The following PCDHGA8 variants were observed in gnomAD, a reference collection of about 807,000 sequenced individuals.
PCDHGA8 encodes the protein protocadherin gamma-A8.
Under a neutral mutation model 59.2 loss-of-function variants are expected in PCDHGA8, and 45 were observed. The ratio of observed to expected loss-of-function variants is 0.76; its 90% CI spans 0.60 to 0.98. PCDHGA8 has a LOEUF of 0.98. Among genes scored for constraint, PCDHGA8 ranks in the 50% least tolerant of loss-of-function variants. The pLI, the probability that PCDHGA8 is intolerant of heterozygous loss-of-function variation, is 0.00. For synonymous variants in PCDHGA8, 531 were observed against 519.0 expected (o/e 1.02, Z -0.32); for missense variants, 1,257 against 1,196.2 (o/e 1.05, Z -0.75).
In PCDHGA8 at chr5:141,491,425, C is replaced by CA; in HGVS notation, c.2425-3381dup. The CA allele has an allele frequency of 6.2e-7, 1 of 1,614,076 alleles. No homozygotes were observed. The highest frequency in any genetic ancestry group is 8.5e-7 in the Non-Finnish European group (1 of 1,179,996). On this transcript the variant is annotated intron_variant, in intron 1 of 3. Coordinates refer to ENST00000398604, the MANE Select transcript of PCDHGA8 (RefSeq NM_032088.2). The surrounding 1 kb of genome is among the most constrained non-coding windows in gnomAD (Gnocchi z 6.9). ...CGCAGACGGGGACGGGGGTGGAGGG[C>CA]AGTGCTGCAGGCGCCAGGACTCACC...
intron 1 of PCDHGA8, chr5:141,404,976 T>G (rs373850794): frequency 4.3e-6 from 7 of 1,614,002 alleles, no homozygotes; most frequent in Non-Finnish European, 5.9e-6. Context: ...CTGGCTGACC[T>G]GGGCAGTCTT....
At chr5:141,397,381 T>G (rs966351267) in intron 1 of PCDHGA8, among the ~76,000 whole-genome samples, 1 of 152,228 alleles carries the variant, frequency 6.6e-6, no homozygotes, top group Non-Finnish European at 1.5e-5. Flanking sequence ...GGGATTGGTA[T>G]AAAATTGCCA....
intron 1 of PCDHGA8, chr5:141,423,481 C>G: frequency 6.2e-7 from 1 of 1,613,908 alleles, no homozygotes; most frequent in South Asian, 1.1e-5. Context: ...GGCTTTCCTG[C>G]AAACCTATTC....
chr5:141,422,883 C>A, intron 1 of PCDHGA8: 1 of 1,614,242 alleles, frequency 6.2e-7, no homozygotes, highest in Non-Finnish European at 8.5e-7. Flanking sequence ...TGAGCCTGTT[C>A]GTGCTGGACC....
Position 141,432,726 on chromosome 5 carries a change from C to T in PCDHGA8, c.2424+37489C>T, listed in dbSNP as rs777248611. The T allele has an allele frequency of 3.1e-6, 5 of 1,614,092 alleles. No homozygotes were observed. Among genetic ancestry groups the T allele is most frequent in the Non-Finnish European group, 3.4e-6 (4 of 1,179,998 alleles). On this transcript the variant is annotated intron_variant, in intron 1 of 3. Coordinates refer to ENST00000398604, the MANE Select transcript of PCDHGA8 (RefSeq NM_032088.2). This position sits in a 1 kb window ranked among gnomAD's most constrained non-coding sequence, Gnocchi z 6.0. ...GACCACGGCCAGCCCCCTCTCTCCG[C>T]CACTGTCACGCTCACCGTGGCCGTG...
At chr5:141,416,010 A>T (rs968655183) in intron 1 of PCDHGA8, 5 of 245,908 alleles carry the variant, frequency 2.0e-5, no homozygotes, top group Non-Finnish European at 3.0e-5. Flanking sequence ...TGGTAAGAAT[A>T]GGTAAGTATC....
Position 141,487,830 on chromosome 5 carries a change from T to C in PCDHGA8, c.2425-6977T>C, listed in dbSNP as rs1410090651. On this transcript the variant is annotated intron_variant, in intron 1 of 3. Transcript: ENST00000398604. This position sits in a 1 kb window ranked among gnomAD's most constrained non-coding sequence, Gnocchi z 5.0. ...TTTAGCATTGGGGGCGGGTCATGCC[T>C]ATATCTGAGTAAGAAATGAAAGTAA... The C allele has an allele frequency of 3.5e-6, 4 of 1,139,942 alleles. No homozygotes were observed. The highest frequency in any genetic ancestry group is 1.6e-5 in the African/African-American group (1 of 63,734). The allele number at this position is 1,139,942 out of a possible 1,614,324, so 70.6% of individuals were successfully genotyped here.
At position 141,476,030 on chromosome 5, in the gene PCDHGA8, G is replaced by A; in HGVS notation, c.2425-18777G>A. On this transcript the variant is annotated intron_variant, in intron 1 of 3. Coordinates refer to ENST00000398604, the MANE Select transcript of PCDHGA8 (RefSeq NM_032088.2). This position sits in a 1 kb window ranked among gnomAD's most constrained non-coding sequence, Gnocchi z 7.6. ...AAAGCCATGTCGGACTCGGCGCCCA[G>A]CGCCCAAGCGCTAACCCGCTGAAAG... 2.7e-6 allele frequency: 4 copies of A among 1,459,176 alleles called. No individual in the cohort carries two copies. The highest frequency in any genetic ancestry group is 3.6e-6 in the Non-Finnish European group (4 of 1,096,658). The allele number at this position is 1,459,176 out of a possible 1,614,324, so 90.4% of individuals were successfully genotyped here. A position where few individuals can be genotyped will look rare whatever the true frequency, so the allele number is the denominator to read the frequency against.
intron 1 of PCDHGA8, chr5:141,413,463 G>A: frequency 6.2e-7 from 1 of 1,614,128 alleles, no homozygotes; most frequent in African/African-American, 1.3e-5. Flanking sequence ...GGATAGACCG[G>A]GAGGAGCTCT....
At position 141,487,736 on chromosome 5, in the gene PCDHGA8, G is replaced by C; in HGVS notation, c.2425-7071G>C. On this transcript the variant is annotated intron_variant, in intron 1 of 3. Transcript: ENST00000398604. The surrounding 1 kb of genome is among the most constrained non-coding windows in gnomAD (Gnocchi z 5.0). Reference sequence around the variant, plus strand: ...TGCCCATAGTGATGTCACCATTTTTGTAAGAGGTAACTATGTGGTAGACGC... The same window carrying C: ...TGCCCATAGTGATGTCACCATTTTTCTAAGAGGTAACTATGTGGTAGACGC... 1 of 1,563,758 alleles carries C rather than the reference G, an allele frequency of 6.4e-7. No homozygotes were observed.
chr5:141,435,929 G>A (rs926025053), intron 1 of PCDHGA8, among the ~76,000 whole-genome samples: 10 of 152,134 alleles, frequency 6.6e-5, no homozygotes, highest in African/African-American at 2.4e-4. Flanking sequence ...TGCGGCAGTT[G>A]CTGCTTCTGA....
At chr5:141,419,558 C>T (rs560723941) in intron 1 of PCDHGA8, 1 of 1,611,970 alleles carries the variant, frequency 6.2e-7, no homozygotes, top group African/African-American at 1.3e-5. Context: ...GTACCCTGCG[C>T]TGGGTCCCGA....
intron 1 of PCDHGA8, among the ~76,000 whole-genome samples, chr5:141,450,233 G>A (rs2098674391): frequency 6.6e-6 from 1 of 152,026 alleles, no homozygotes; most frequent in Non-Finnish European, 1.5e-5. Flanking sequence ...GGCCAGGCTA[G>A]TCTTGAACTC....
intron 1 of PCDHGA8, among the ~76,000 whole-genome samples, chr5:141,444,203 C>A (rs2098425806): frequency 1.3e-5 from 1 of 79,180 alleles, no homozygotes; most frequent in Admixed American, 2.0e-4. Context: ...TGGAGTTTCA[C>A]TCTTGTTGCC....
intron 1 of PCDHGA8, among the ~76,000 whole-genome samples, chr5:141,448,877 G>A (rs1421211206): frequency 6.6e-6 from 1 of 152,112 alleles, no homozygotes; most frequent in African/African-American, 2.4e-5. Flanking sequence ...CCTGGGAGGC[G>A]GAGCTTGCAG....
chr5:141,430,970 A>G (rs1026736997), intron 1 of PCDHGA8: 3 of 1,613,068 alleles, frequency 1.9e-6, no homozygotes, highest in Non-Finnish European at 2.5e-6. Context: ...CCCCAGAGGT[A>G]GGACGCAGCT....
Position 141,477,388 on chromosome 5 carries a change from C to T in PCDHGA8, c.2425-17419C>T. The T allele has an allele frequency of 6.2e-7, 1 of 1,614,136 alleles. No homozygotes were observed. The highest frequency in any genetic ancestry group is 8.5e-7 in the Non-Finnish European group (1 of 1,180,014). On this transcript the variant is annotated intron_variant, in intron 1 of 3. Transcript: ENST00000398604. The surrounding 1 kb of genome is among the most constrained non-coding windows in gnomAD (Gnocchi z 4.9). Reference sequence around the variant, plus strand: ...ATCGGGAGACTGTGCCAGAATACAACCTCAGCATCACCGCCCGAGACGCCG... The same window carrying T: ...ATCGGGAGACTGTGCCAGAATACAATCTCAGCATCACCGCCCGAGACGCCG...
intron 1 of PCDHGA8, among the ~76,000 whole-genome samples, chr5:141,434,345 G>C (rs1254991411): frequency 1.3e-5 from 2 of 152,144 alleles, no homozygotes; most frequent in African/African-American, 4.8e-5. Flanking sequence ...GTCGGGAACA[G>C]GCCCCCCAAA....
At chr5:141,403,804 T>G (rs2094456767) in intron 1 of PCDHGA8, 1 of 1,613,764 alleles carries the variant, frequency 6.2e-7, no homozygotes, top group Non-Finnish European at 8.5e-7. Context: ...TCTGGAAAAT[T>G]AATGAAAAAC....
Sources: allele counts gnomAD v4.1 joint callset (sites outside exome capture counted in the v4.1 genomes callset), GRCh38; gene constraint gnomAD v4.1.1; non-coding constraint Gnocchi (gnomAD v3.1); transcripts MANE v1.5; gene names NCBI Gene and HGNC (gene_info 2026-07-23, HGNC 2026-07-21).